SMCO2: variants seen among roughly 807,000 people sequenced by gnomAD.
SMCO2 encodes the protein single-pass membrane and coiled-coil domain-containing protein 2.
In SMCO2, 25 loss-of-function variants were observed where a neutral mutation model predicts 29.5. The ratio of observed to expected loss-of-function variants is 0.85; its 90% CI spans 0.62 to 1.18. The LOEUF (loss-of-function observed/expected upper bound fraction) is 1.18, where lower values mean the gene tolerates loss of function less well. Ranked by LOEUF, SMCO2 falls within the 50% of genes most tolerant of loss-of-function variation. SMCO2 has a pLI of 0.00. For missense variants in SMCO2, 348 were observed against 344.5 expected (o/e 1.01, Z -0.08); for synonymous variants, 117 against 123.3 (o/e 0.95, Z 0.34).
chr12:27,458,813 G>A, the SMCO2 span, among the ~76,000 whole-genome samples: 3 of 151,616 alleles, frequency 2.0e-5, no homozygotes, highest in Admixed American at 6.6e-5. Context: ...CTTGAACCCG[G>A]GAGGCGGAGG....
intron 4 of SMCO2, among the ~76,000 whole-genome samples, chr12:27,479,909 T>C (rs403277): frequency 0.12 from 18,303 of 152,150 alleles, 2,126 homozygotes; most frequent in African/African-American, 0.28. Context: ...AGCATGAGAA[T>C]AGACTAATAC....
the SMCO2 span, among the ~76,000 whole-genome samples, chr12:27,441,530 A>T: frequency 3.4e-4 from 51 of 152,214 alleles, no homozygotes; most frequent in African/African-American, 1.2e-3. Flanking sequence ...CAGGAAGAGG[A>T]TATAAAAATT....
the SMCO2 span, among the ~76,000 whole-genome samples, chr12:27,449,190 A>AAG: frequency 6.6e-6 from 1 of 152,102 alleles, no homozygotes; most frequent in South Asian, 2.1e-4. Context: ...TGATCACAAA[A>AAG]AAAACATAAT....
intron 4 of SMCO2, 125 bp from the exon 5 acceptor site, chr12:27,475,457 T>G: frequency 9.7e-7 from 1 of 1,028,722 alleles, no homozygotes; most frequent in Non-Finnish European, 1.3e-6. Context: ...TGTGCCCACC[T>G]GGCCCATTTT....
intron 4 of SMCO2, among the ~76,000 whole-genome samples, chr12:27,483,700 T>C (rs1225131948): frequency 6.6e-6 from 1 of 152,180 alleles, no homozygotes; most frequent in Non-Finnish European, 1.5e-5. Flanking sequence ...GCTGAGATTA[T>C]AGGCGTGAAC....
chr12:27,435,550 C>T, the SMCO2 span, among the ~76,000 whole-genome samples: 1 of 150,456 alleles, frequency 6.6e-6, no homozygotes, highest in Non-Finnish European at 1.5e-5. Context: ...TCTCTCCCCC[C>T]CATCCCCCAT....
the SMCO2 span, among the ~76,000 whole-genome samples, chr12:27,444,972 G>A: frequency 3.9e-5 from 6 of 152,144 alleles, no homozygotes; most frequent in African/African-American, 1.4e-4. Flanking sequence ...TAAAGAAAAT[G>A]TGATATATAT....
the SMCO2 span, among the ~76,000 whole-genome samples, chr12:27,460,403 G>A: frequency 6.6e-6 from 1 of 152,096 alleles, no homozygotes; most frequent in African/African-American, 2.4e-5. Context: ...AATTAACACA[G>A]ATTTTGTACG....
chr12:27,459,244 T>C, the SMCO2 span, among the ~76,000 whole-genome samples: 1 of 150,196 alleles, frequency 6.7e-6, no homozygotes, highest in Non-Finnish European at 1.5e-5. Flanking sequence ...AAAGAAAATG[T>C]GGTGTATATG....
chr12:27,453,170 A>G, the SMCO2 span, among the ~76,000 whole-genome samples: 4 of 152,234 alleles, frequency 2.6e-5, no homozygotes, highest in Admixed American at 2.6e-4. Flanking sequence ...GTCCCTGGCC[A>G]TGATAGTACC....
At chr12:27,444,033 G>A in the SMCO2 span, among the ~76,000 whole-genome samples, 1 of 152,100 alleles carries the variant, frequency 6.6e-6, no homozygotes, top group African/African-American at 2.4e-5. Flanking sequence ...TGAACAAAAA[G>A]AATAAAGCTG....
chr12:27,425,414 G>GTATA, the SMCO2 span: 5 of 152,060 alleles, frequency 3.3e-5, no homozygotes, highest in African/African-American at 9.7e-5. Context: ...GTTCCCCAGG[G>GTATA]TATACTAACT....
At chr12:27,464,809 C>G (rs1288547170), upstream of SMCO2, among the ~76,000 whole-genome samples, 1 of 148,450 alleles carries the variant, frequency 6.7e-6, no homozygotes, top group Non-Finnish European at 1.5e-5. Flanking sequence ...ATCACGAGGT[C>G]GGGAGATCAA....
intron 6 of SMCO2, among the ~76,000 whole-genome samples, chr12:27,494,573 G>T (rs1462470960): frequency 6.7e-6 from 1 of 150,290 alleles, no homozygotes; most frequent in Non-Finnish European, 1.5e-5. Flanking sequence ...TTGTTACATA[G>T]GTATACATGT....
At position 27,472,529 on chromosome 12, in the gene SMCO2, G is replaced by C. The variant is rs570959863; in HGVS notation, c.135-247G>C. ...TATGCACAGAACTGCAATTACTTTGGAATTTGGAATCTCACTGTTAATTTA... is the reference window on the plus strand; with the variant it reads ...TATGCACAGAACTGCAATTACTTTGCAATTTGGAATCTCACTGTTAATTTA... On this transcript the variant is annotated intron_variant, in intron 2 of 7. Coordinates refer to ENST00000298876, the Ensembl canonical transcript of SMCO2. 3.1e-4 allele frequency among the ~76,000 whole-genome samples: 47 copies of C among 152,202 alleles called. No homozygotes were observed. In the South Asian group the frequency reaches 9.4e-3, roughly 30 times the overall value.
the SMCO2 span, among the ~76,000 whole-genome samples, chr12:27,426,482 C>T: frequency 6.6e-6 from 1 of 152,174 alleles, no homozygotes; most frequent in African/African-American, 2.4e-5. Context: ...TCAGTTTCTT[C>T]ATTCGTAAAG....
intron 5 of SMCO2, among the ~76,000 whole-genome samples, chr12:27,492,421 G>A (rs765037409): frequency 1.3e-5 from 2 of 152,092 alleles, no homozygotes. Flanking sequence ...TCTGAGGCTG[G>A]GCATGGTGGC....
At chr12:27,462,569 G>A (rs1325889285), upstream of SMCO2, among the ~76,000 whole-genome samples, 1 of 152,116 alleles carries the variant, frequency 6.6e-6, no homozygotes, top group Non-Finnish European at 1.5e-5. Flanking sequence ...TAAAGCCACT[G>A]CATACCTACA....
At chr12:27,476,515 T>C (rs1478961199) in intron 4 of SMCO2, among the ~76,000 whole-genome samples, 1 of 152,168 alleles carries the variant, frequency 6.6e-6, no homozygotes, top group African/African-American at 2.4e-5. Context: ...GATCTAGTAA[T>C]ATTTGCTTTA....
Sources: gnomAD v4.1 joint callset for allele counts (sites outside exome capture counted in the v4.1 genomes callset) on GRCh38, gnomAD v4.1.1 for gene constraint, MANE v1.5 for transcripts, NCBI Gene and HGNC (gene_info 2026-07-23, HGNC 2026-07-21) for gene names.